FBXO31: variants seen among roughly 807,000 people sequenced by gnomAD.
The protein encoded by FBXO31 is F-box only protein 31.
Under a neutral mutation model 54.4 loss-of-function variants are expected in FBXO31, and 24 were observed. That is an observed-to-expected ratio of 0.44 (90% CI 0.32 to 0.62). FBXO31 has a LOEUF of 0.62. FBXO31 is among the 20% of genes least tolerant of loss of function. FBXO31 has a pLI of 0.05. For synonymous variants in FBXO31, 388 were observed against 335.6 expected (o/e 1.16, Z -1.71); for missense variants, 665 against 787.1 (o/e 0.84, Z 1.86).
At chr16:87,347,284 T>C (rs1905432021) in intron 2 of FBXO31, 34 bp from the exon 3 acceptor site, 4 of 1,601,050 alleles carry the variant, frequency 2.5e-6, no homozygotes, top group Non-Finnish European at 3.4e-6. Flanking sequence ...GTCTCTGTGT[T>C]AGACCCAGCG....
intron 1 of FBXO31, among the ~76,000 whole-genome samples, chr16:87,361,070 C>T (rs941094903): frequency 6.6e-6 from 1 of 152,232 alleles, no homozygotes; most frequent in Non-Finnish European, 1.5e-5. Flanking sequence ...TGGGTCTCCG[C>T]TAGCCTTTGA....
In FBXO31 at chr16:87,383,720, C is replaced by G; in HGVS notation, c.25G>C (p.Gly9Arg). The change falls in exon 1 of 9, where the codon GGC (glycine) becomes CGC (arginine). Residue 9 changes from glycine to arginine, a missense_variant. Physicochemically the swap from Gly to Arg is moderately radical, Grantham distance 125. This residue lies in a region of FBXO31 where 195 missense variants were observed against 174.8 expected (regional missense o/e 1.12). Transcript: ENST00000311635. The surrounding 1 kb of genome is among the most constrained non-coding windows in gnomAD (Gnocchi z 4.9). MAVCARLC[G>R]VGPSRGCRRR... is the part of the protein sequence containing the mutation. ...CGACATCCGCGCGACGGGCCCACGC[C>G]GCAAAGGCGAGCACACACCGCCATG... The G allele has an allele frequency of 8.0e-7, 1 of 1,250,864 alleles. No homozygotes were observed. The highest frequency in any genetic ancestry group is 1.0e-6 in the Non-Finnish European group (1 of 1,003,530). 77.5% of individuals were successfully genotyped at this position (1,250,864 alleles called of 1,614,324 possible). A position where few individuals can be genotyped will look rare whatever the true frequency, so the allele number is the denominator to read the frequency against.
chr16:87,359,680 C>G (rs1906049140), intron 2 of FBXO31, among the ~76,000 whole-genome samples: 1 of 152,190 alleles, frequency 6.6e-6, no homozygotes, highest in Non-Finnish European at 1.5e-5. Flanking sequence ...CCAAAAAAGC[C>G]AAGAGCTTCG....
At chr16:87,334,859 C>T (rs1271412260) in intron 7 of FBXO31, among the ~76,000 whole-genome samples, 2 of 152,226 alleles carry the variant, frequency 1.3e-5, no homozygotes, top group Admixed American at 6.5e-5. Context: ...ACACAGCCCA[C>T]CCTCAGGCCA....
At position 87,327,452 on chromosome 16, in the gene FBXO31, G is replaced by A; in HGVS notation, c.*3836C>T. 6.5e-6 allele frequency: 1 copy of A among 152,690 alleles called. No individual in the cohort carries two copies. Among genetic ancestry groups the A allele is most frequent in the East Asian group, 1.9e-4 (1 of 5,192 alleles). The allele number at this position is 152,690 out of a possible 1,614,324, so 9.5% of individuals were successfully genotyped here. A position where few individuals can be genotyped will look rare whatever the true frequency, so the allele number is the denominator to read the frequency against. Reference sequence around the variant, plus strand: ...GCGGGTGGATCACCTGAGATCGGGAGTTCGAGACCAACCTGAGCAACATGG... The same window carrying A: ...GCGGGTGGATCACCTGAGATCGGGAATTCGAGACCAACCTGAGCAACATGG... On this transcript the variant is annotated 3_prime_UTR_variant, in exon 9 of 9. Transcript: ENST00000311635.
At chr16:87,361,537 C>A (rs1906132838) in intron 1 of FBXO31, among the ~76,000 whole-genome samples, 1 of 152,150 alleles carries the variant, frequency 6.6e-6, no homozygotes, top group African/African-American at 2.4e-5. Context: ...GAAACCGAGG[C>A]CCAGTGAAGT....
intron 1 of FBXO31, among the ~76,000 whole-genome samples, chr16:87,380,890 C>T (rs1022854449): frequency 5.3e-5 from 8 of 152,176 alleles, no homozygotes; most frequent in East Asian, 1.9e-4. Context: ...GTTGTAATTC[C>T]GGTTGTTCTA....
intron 1 of FBXO31, among the ~76,000 whole-genome samples, chr16:87,379,592 C>T (rs144396321): frequency 8.3e-4 from 127 of 152,272 alleles, no homozygotes; most frequent in Middle Eastern, 6.8e-3. Flanking sequence ...GCTCTCTGGC[C>T]ACTAAAGCCA....
chr16:87,334,515 G>A (rs936791259), intron 7 of FBXO31, among the ~76,000 whole-genome samples: 14 of 152,196 alleles, frequency 9.2e-5, no homozygotes, highest in Non-Finnish European at 1.5e-4. Flanking sequence ...GCTCAACTGC[G>A]CCCAGAGAAG....
At chr16:87,363,417 G>C (rs528351267) in intron 1 of FBXO31, among the ~76,000 whole-genome samples, 1 of 152,088 alleles carries the variant, frequency 6.6e-6, no homozygotes, top group Non-Finnish European at 1.5e-5. Context: ...AATCAACACC[G>C]GCTCATCTCC....
In FBXO31 at chr16:87,331,513, G is replaced by A; in HGVS notation, c.1398-3C>T. 1 of 1,593,440 alleles carries A rather than the reference G, an allele frequency of 6.3e-7. No homozygotes were observed. The highest frequency in any genetic ancestry group is 8.6e-7 in the Non-Finnish European group (1 of 1,165,676). On this transcript the variant is annotated splice_region_variant and splice_polypyrimidine_tract_variant and intron_variant, in intron 8 of 8. Coordinates refer to ENST00000311635, the MANE Select transcript of FBXO31 (RefSeq NM_024735.5). ...CGATGAGGCCTGTGCCATAAAAACT[G>A]AGCAGAAACAAGAGGGAAACTGTGA...
intron 5 of FBXO31, among the ~76,000 whole-genome samples, chr16:87,340,527 A>G (rs1271518931): frequency 6.6e-6 from 1 of 152,246 alleles, no homozygotes; most frequent in Non-Finnish European, 1.5e-5. Flanking sequence ...AATAGATCCA[A>G]CGGAACCAGA....
intron 1 of FBXO31, among the ~76,000 whole-genome samples, chr16:87,376,337 G>A (rs985196769): frequency 5.0e-4 from 76 of 151,372 alleles, no homozygotes; most frequent in African/African-American, 1.7e-3. Flanking sequence ...GCAGTGGCGC[G>A]ATCTCAGCTC....
chr16:87,381,569 T>C (rs1907078382), intron 1 of FBXO31, among the ~76,000 whole-genome samples: 1 of 152,226 alleles, frequency 6.6e-6, no homozygotes, highest in African/African-American at 2.4e-5. Flanking sequence ...CCTCGACCAT[T>C]AAGCAACAAA....
chr16:87,349,156 C>A (rs970356773), intron 2 of FBXO31, among the ~76,000 whole-genome samples: 5 of 152,188 alleles, frequency 3.3e-5, no homozygotes, highest in African/African-American at 9.7e-5. Flanking sequence ...CTCAAATCCA[C>A]AGGTTTTAAA....
intron 2 of FBXO31, among the ~76,000 whole-genome samples, chr16:87,351,625 T>G (rs1381018418): frequency 6.6e-6 from 1 of 152,036 alleles, no homozygotes; most frequent in Admixed American, 6.6e-5. Flanking sequence ...TCCCAGAACT[T>G]TAGGAGGCCG....
At chr16:87,343,899 C>T (rs940837842) in intron 3 of FBXO31, 134 bp from the exon 4 acceptor site, 2 of 818,062 alleles carry the variant, frequency 2.4e-6, no homozygotes, top group South Asian at 3.5e-5. Flanking sequence ...CACGCCCACC[C>T]TCGAGGTGCC....
rs572750218 is a variant in FBXO31, at chr16:87,335,826, G to T, written c.842+329C>A. ...CGGGGCTGAGCTCTAGAGTGCCAGT[G>T]TTGGCAGGGGTGACAGGAAATCAGA... On this transcript the variant is annotated intron_variant, in intron 6 of 8. Coordinates refer to ENST00000311635, the MANE Select transcript of FBXO31 (RefSeq NM_024735.5). The surrounding 1 kb of genome is among the most constrained non-coding windows in gnomAD (Gnocchi z 5.7). 2.0e-5 allele frequency among the ~76,000 whole-genome samples: 3 copies of T among 152,294 alleles called. No homozygotes were observed. The East Asian group carries it at 5.8e-4, about 29-fold the overall frequency.
In FBXO31 at chr16:87,332,415, C is replaced by T. The variant is rs1036199364; in HGVS notation, c.1398-905G>A. ...GTCTTCCTGGTCAGTGGCTGCAGCA[C>T]GTGCTGTGACTCGCAAACTGGCTCT... On this transcript the variant is annotated intron_variant, in intron 8 of 8. Transcript: ENST00000311635. Among the ~76,000 whole-genome samples the T allele has an allele frequency of 5.9e-5, 9 of 152,312 alleles. 1 individual carries two copies. Among genetic ancestry groups the T allele is most frequent in the African/African-American group, 1.9e-4 (8 of 41,566 alleles).
Sources: allele counts gnomAD v4.1 joint callset (sites outside exome capture counted in the v4.1 genomes callset), GRCh38; gene constraint gnomAD v4.1.1; regional missense constraint gnomAD v4.1.1; non-coding constraint Gnocchi (gnomAD v3.1); transcripts MANE v1.5; gene names NCBI Gene and HGNC (gene_info 2026-07-23, HGNC 2026-07-21).